STON1: variants seen among roughly 807,000 people sequenced by gnomAD.
STON1 encodes the protein stonin 1.
STON1 carries 79 observed loss-of-function variants against 60.9 expected under a neutral mutation model. That is an observed-to-expected ratio of 1.30 (90% CI 1.08 to 1.56). The LOEUF is 1.56. Ranked by LOEUF, STON1 falls within the 40% of genes most tolerant of loss-of-function variation. The pLI, the probability that STON1 is intolerant of heterozygous loss-of-function variation, is 0.00. For synonymous variants in STON1, 363 were observed against 306.9 expected, an observed-to-expected ratio of 1.18 and a Z score of -1.91; for missense variants, 1,166 against 858.9, an observed-to-expected ratio of 1.36 and a Z score of -4.47.
At chr2:48,555,619 C>G (rs1204745977) in intron 1 of STON1, among the ~76,000 whole-genome samples, 1 of 42,092 alleles carries the variant, frequency 2.4e-5, no homozygotes. Context: ...ACCTCCCTCC[C>G]GGATGGGGCG....
intron 1 of STON1, among the ~76,000 whole-genome samples, chr2:48,571,759 A>C (rs985281937): frequency 2.0e-5 from 3 of 152,208 alleles, no homozygotes; most frequent in Non-Finnish European, 4.4e-5. Flanking sequence ...AATTGATCTT[A>C]GTTGTTGACT....
chr2:48,540,335 G>A (rs1022831405), intron 1 of STON1, among the ~76,000 whole-genome samples: 1 of 152,160 alleles, frequency 6.6e-6, no homozygotes, highest in Non-Finnish European at 1.5e-5. Context: ...CTCAGAGGCA[G>A]CCCTCTGACC....
chr2:48,584,003 C>A (rs1197330205), intron 2 of STON1, among the ~76,000 whole-genome samples: 5 of 152,102 alleles, frequency 3.3e-5, no homozygotes, highest in African/African-American at 1.2e-4. Flanking sequence ...CCCACCTCGG[C>A]CTCCCATAGT....
intron 1 of STON1, among the ~76,000 whole-genome samples, chr2:48,564,578 T>TCTTCTC: frequency 3.2e-5 from 1 of 31,708 alleles, no homozygotes. Context: ...TCCTTCTCCT[T>TCTTCTC]CTCCTCCTCC....
intron 1 of STON1, among the ~76,000 whole-genome samples, chr2:48,576,185 CTTTTTTTTTT>C (rs34849002): frequency 3.2e-5 from 2 of 63,062 alleles, no homozygotes; most frequent in African/African-American, 7.2e-5. Context: ...GTTTTCCTTT[CTTTTTTTTTT>C]TTTTTTTTTT....
At chr2:48,554,706 A>AT (rs1490459308) in intron 1 of STON1, among the ~76,000 whole-genome samples, 2 of 69,948 alleles carry the variant, frequency 2.9e-5, no homozygotes, top group African/African-American at 1.3e-4. Context: ...TTAAGTGCAA[A>AT]ATTTTTTTTT....
chr2:48,551,187 C>T (rs1672088666), intron 1 of STON1, among the ~76,000 whole-genome samples: 1 of 152,168 alleles, frequency 6.6e-6, no homozygotes, highest in Non-Finnish European at 1.5e-5. Context: ...TTGTGTCAGG[C>T]ACCCTAGTTA....
intron 2 of STON1, among the ~76,000 whole-genome samples, chr2:48,587,315 C>T (rs145703367): frequency 0.019 from 2,856 of 151,948 alleles, 51 homozygotes; most frequent in African/African-American, 0.045. Context: ...ATTTATGAGA[C>T]GGAGTCTCGC....
chr2:48,577,680 A>G (rs1205884176), intron 1 of STON1, among the ~76,000 whole-genome samples: 2 of 151,566 alleles, frequency 1.3e-5, no homozygotes, highest in Non-Finnish European at 2.9e-5. Flanking sequence ...CAGTGGCACA[A>G]TCTTGACTCA....
intron 3 of STON1, among the ~76,000 whole-genome samples, chr2:48,594,966 A>C (rs766666904): frequency 6.6e-6 from 1 of 152,166 alleles, no homozygotes; most frequent in African/African-American, 2.4e-5. Flanking sequence ...TATACATTTT[A>C]TAAAAACTAC....
Position 48,580,813 on chromosome 2 carries a change from T to G in STON1, c.180T>G (p.Thr60=), listed in dbSNP as rs752552452. Reference sequence around the variant, plus strand: ...GTGGATCTTCCTCCACCAGCAGCACTCCTCTCTCCTCCCCCATTGTAGATT... The same window carrying G: ...GTGGATCTTCCTCCACCAGCAGCACGCCTCTCTCCTCCCCCATTGTAGATT... ...FPSGSSSTSS[T]PLSSPIVDFY... Residue 60 remains threonine (T), a synonymous_variant, in exon 2 of 4, where the codon ACT becomes ACG. Transcript: ENST00000404752. 2 of 1,546,940 alleles carry G rather than the reference T, an allele frequency of 1.3e-6. No homozygotes were observed. Among genetic ancestry groups the G allele is most frequent in the South Asian group, 2.6e-5 (2 of 78,298 alleles).
chr2:48,571,661 C>G (rs1313496594), intron 1 of STON1, among the ~76,000 whole-genome samples: 1 of 152,190 alleles, frequency 6.6e-6, no homozygotes, highest in Non-Finnish European at 1.5e-5. Flanking sequence ...CAATAGGCTT[C>G]TAACAGACCA....
At chr2:48,567,385 C>T (rs1263390165) in intron 1 of STON1, among the ~76,000 whole-genome samples, 2 of 152,064 alleles carry the variant, frequency 1.3e-5, no homozygotes, top group Non-Finnish European at 2.9e-5. Flanking sequence ...TAGAACGAAG[C>T]CTTTTACAGG....
At position 48,581,759 on chromosome 2, in the gene STON1, C is replaced by T. The variant is rs3749145; in HGVS notation, c.1126C>T (p.Leu376=). The T allele has an allele frequency of 0.33, 528,508 of 1,613,010 alleles. 88,331 individuals are homozygous for T. Among genetic ancestry groups the T allele is most frequent in the East Asian group, 0.42 (18,936 of 44,852 alleles). ...TCATGAACCTGACATAGAGCAGATG[C>T]TGAAGTTGGGGTCCACATCGTACCA... ...VVHEPDIEQM[L]KLGSTSYHDF... is the part of the protein sequence containing the mutation. Residue 376 remains leucine, a synonymous_variant, in exon 2 of 4, where the codon CTG becomes TTG. Transcript: ENST00000404752.
At chr2:48,565,262 C>T (rs1286597248) in intron 1 of STON1, among the ~76,000 whole-genome samples, 5 of 151,792 alleles carry the variant, frequency 3.3e-5, no homozygotes, top group Non-Finnish European at 7.4e-5. Context: ...CCATGTTAGC[C>T]AGGATGGTCT....
intron 1 of STON1, chr2:48,531,057 C>G (rs1295784691): frequency 6.6e-6 from 1 of 152,082 alleles, no homozygotes; most frequent in Admixed American, 6.5e-5. Context: ...AGAAAATAAA[C>G]GGAAGAGAGA....
At chr2:48,550,314 A>G (rs1048555161) in intron 1 of STON1, among the ~76,000 whole-genome samples, 1 of 152,016 alleles carries the variant, frequency 6.6e-6, no homozygotes, top group Non-Finnish European at 1.5e-5. Flanking sequence ...CCTGATCAAC[A>G]TGGTGAAACC....
intron 2 of STON1, among the ~76,000 whole-genome samples, chr2:48,588,362 A>C (rs1674329905): frequency 6.6e-6 from 1 of 152,202 alleles, no homozygotes; most frequent in African/African-American, 2.4e-5. Flanking sequence ...ATTATTTGAA[A>C]AGATACTTCG....
rs563598158 is a variant in STON1, at chr2:48,562,017, C to G, written c.-47-18570C>G. Reference sequence around the variant, plus strand: ...CTGGGATTACAGGCGTGCGCCACCACGCCCAGCTAATTTTTGTATTTTTAG... The same window carrying G: ...CTGGGATTACAGGCGTGCGCCACCAGGCCCAGCTAATTTTTGTATTTTTAG... On this transcript the variant is annotated intron_variant, in intron 1 of 3. Transcript: ENST00000404752. Among the ~76,000 whole-genome samples the G allele has an allele frequency of 2.0e-5, 3 of 152,262 alleles. No homozygotes were observed. In the South Asian group the frequency reaches 6.2e-4, roughly 32 times the overall value.
Sources: gnomAD v4.1 joint callset for allele counts (sites outside exome capture counted in the v4.1 genomes callset) on GRCh38, gnomAD v4.1.1 for gene constraint, MANE v1.5 for transcripts, NCBI Gene and HGNC (gene_info 2026-07-23, HGNC 2026-07-21) for gene names.